ZNF638: variants seen among roughly 807,000 people sequenced by gnomAD.
ZNF638 encodes the protein zinc finger protein 638, also known as CTCL tumor antigen se33-1.
In ZNF638, 46 loss-of-function variants were observed where a neutral mutation model predicts 195.6. The ratio of observed to expected loss-of-function variants is 0.24; its 90% CI spans 0.19 to 0.30. The LOEUF (loss-of-function observed/expected upper bound fraction) is 0.30, where lower values mean the gene tolerates loss of function less well. Ranked by LOEUF, ZNF638 falls within the 10% of genes least tolerant of loss-of-function variation. The pLI is 1.00. For missense variants in ZNF638, 2,440 were observed against 2,325.3 expected, an observed-to-expected ratio of 1.05 and a Z score of -1.01; for synonymous variants, 845 against 772.0, an observed-to-expected ratio of 1.09 and a Z score of -1.57.
At chr2:71,387,662 C>CAAA (rs1202384861) in intron 10 of ZNF638, among the ~76,000 whole-genome samples, 68 of 45,392 alleles carry the variant, frequency 1.5e-3, no homozygotes, top group Middle Eastern at 0.01. Flanking sequence ...AAGACTCTCT[C>CAAA]AAAAAAAAAA....
chr2:71,375,519 A>G (rs2079404634), intron 8 of ZNF638: 1 of 152,180 alleles, frequency 6.6e-6, no homozygotes, highest in South Asian at 2.1e-4. Flanking sequence ...CTTTTCTGGA[A>G]AGAGTGAGTT....
intron 11 of ZNF638, 99 bp from the exon 12 acceptor site, chr2:71,398,602 A>G: frequency 1.1e-6 from 1 of 933,102 alleles, no homozygotes; most frequent in Non-Finnish European, 1.7e-6. Context: ...TGAATAAAAC[A>G]CAGCCTATTA....
chr2:71,351,522 CTG>C (rs1391918510), intron 2 of ZNF638, among the ~76,000 whole-genome samples: 10 of 152,102 alleles, frequency 6.6e-5, no homozygotes, highest in African/African-American at 2.4e-4. Context: ...GAGTGTTTGT[CTG>C]TATTCTTGTG....
chr2:71,405,523 G>A lies in ZNF638; in HGVS notation c.2959-78G>A, dbSNP rs896584742. 6 of 882,040 alleles carry A rather than the reference G, an allele frequency of 6.8e-6. No individual in the cohort carries two copies. In the African/African-American group the frequency reaches 8.7e-5, roughly 13 times the overall value. 54.6% of individuals were successfully genotyped at this position (882,040 alleles called of 1,614,324 possible). ...AATGCATATTTGTATAGATTGTCAT[G>A]TTATAAATCTTAACTAAGTAAGTAT... On this transcript the variant is annotated intron_variant, in intron 17 of 27. Coordinates refer to ENST00000264447, the MANE Select transcript of ZNF638 (RefSeq NM_014497.5).
chr2:71,373,060 C>T (rs1187170593), intron 8 of ZNF638, among the ~76,000 whole-genome samples: 2 of 152,094 alleles, frequency 1.3e-5, no homozygotes, highest in Admixed American at 6.5e-5. Flanking sequence ...ATAGGATGCA[C>T]AGTAATGGAT....
At chr2:71,408,288 T>G in intron 20 of ZNF638, 41 bp downstream of exon 20, 1 of 1,596,888 alleles carries the variant, frequency 6.3e-7, no homozygotes, top group Non-Finnish European at 8.5e-7. Flanking sequence ...TTTTAGAAAA[T>G]ACAGAGAACA....
chr2:71,400,801 G>A (rs1172182521), intron 15 of ZNF638, among the ~76,000 whole-genome samples: 1 of 152,114 alleles, frequency 6.6e-6, no homozygotes, highest in Non-Finnish European at 1.5e-5. Context: ...TGGGTTTTGG[G>A]TAGACAGTAG....
At chr2:71,333,837 T>C (rs1262437591) in intron 1 of ZNF638, among the ~76,000 whole-genome samples, 1 of 152,230 alleles carries the variant, frequency 6.6e-6, no homozygotes, top group Non-Finnish European at 1.5e-5. Context: ...AGACAGTGTA[T>C]GGAAAGCTCG....
At chr2:71,366,091 C>G (rs1287770937) in intron 6 of ZNF638, among the ~76,000 whole-genome samples, 1 of 152,182 alleles carries the variant, frequency 6.6e-6, no homozygotes, top group African/African-American at 2.4e-5. Flanking sequence ...TGGCTTATGC[C>G]TGAATCCCAG....
chr2:71,368,546 TG>T lies in ZNF638; in HGVS notation c.2142+20del, dbSNP rs779883911. ...GAAAAGAGGTGAGTCATTTAGTCTGTGGCAAAAATTCATACAAAGTGATTGC... is the reference window on the plus strand; with the variant it reads ...GAAAAGAGGTGAGTCATTTAGTCTGTGCAAAAATTCATACAAAGTGATTGC... On this transcript the variant is annotated intron_variant, in intron 7 of 27. Coordinates refer to ENST00000264447, the MANE Select transcript of ZNF638 (RefSeq NM_014497.5). The T allele has an allele frequency of 6.2e-7, 1 of 1,607,942 alleles. No individual in the cohort carries two copies. Among genetic ancestry groups the T allele is most frequent in the Non-Finnish European group, 8.5e-7 (1 of 1,178,364 alleles).
Position 71,359,318 on chromosome 2 carries a change from T to C in ZNF638, c.1379+3538T>C, listed in dbSNP as rs373285484. Among the ~76,000 whole-genome samples the C allele has an allele frequency of 3.9e-5, 6 of 152,300 alleles. No homozygotes were observed. The East Asian group carries it at 1.2e-3, about 29-fold the overall frequency. ...TCTCAGTCTGAGGCAAAAGGCCCTA[T>C]AGCCCCAGGAGCCTGCTGATGCAAG... On this transcript the variant is annotated intron_variant, in intron 3 of 27. Coordinates refer to ENST00000264447, the MANE Select transcript of ZNF638 (RefSeq NM_014497.5).
In ZNF638 at chr2:71,349,189, G is replaced by A; in HGVS notation, c.235G>A (p.Asp79Asn). The A allele has an allele frequency of 6.2e-7, 1 of 1,614,214 alleles. No individual in the cohort carries two copies. The highest frequency in any genetic ancestry group is 8.5e-7 in the Non-Finnish European group (1 of 1,180,040). ...MNVQVTQHRTDPRLTKEKLDF... is the reference protein window; with the variant it reads ...MNVQVTQHRTNPRLTKEKLDF... ...TGTTCAGGTAACTCAACACAGAACTGATCCAAGATTGACCAAAGAAAAACT... is the reference window on the plus strand; with the variant it reads ...TGTTCAGGTAACTCAACACAGAACTAATCCAAGATTGACCAAAGAAAAACT... The change falls in exon 2 of 28, where the codon GAT becomes AAT. Residue 79 changes from aspartate (D) to asparagine (N), a missense_variant. Around this residue, in one of 5 missense-constraint regions of ZNF638, gnomAD observed 191 missense variants for 173.8 expected, o/e 1.10. Transcript: ENST00000264447.
intron 1 of ZNF638, among the ~76,000 whole-genome samples, chr2:71,338,189 C>T (rs1207681369): frequency 6.6e-6 from 1 of 152,200 alleles, no homozygotes; most frequent in Non-Finnish European, 1.5e-5. Flanking sequence ...TGCAAATATC[C>T]TGCTCATTAG....
intron 10 of ZNF638, among the ~76,000 whole-genome samples, chr2:71,387,525 G>A (rs1456147558): frequency 6.6e-6 from 1 of 152,010 alleles, no homozygotes; most frequent in African/African-American, 2.4e-5. Flanking sequence ...ACAAAAATTA[G>A]CTGGGTGTGG....
chr2:71,342,483 A>G (rs1380271883), intron 1 of ZNF638, among the ~76,000 whole-genome samples: 4 of 152,154 alleles, frequency 2.6e-5, no homozygotes, highest in African/African-American at 7.2e-5. Context: ...CTCATTAAGC[A>G]CTTGAGCCTG....
At chr2:71,396,240 T>G in intron 11 of ZNF638, 49 bp downstream of exon 11, 1 of 1,502,592 alleles carries the variant, frequency 6.7e-7, no homozygotes, top group Non-Finnish European at 9.2e-7. Flanking sequence ...AACTTTAATG[T>G]ATTTTAAAAT....
chr2:71,332,212 A>G (rs921064916), intron 1 of ZNF638, among the ~76,000 whole-genome samples: 1 of 152,204 alleles, frequency 6.6e-6, no homozygotes, highest in Non-Finnish European at 1.5e-5. Flanking sequence ...GGCGAGGCCG[A>G]GGCGGCCCCT....
Position 71,382,061 on chromosome 2 carries a change from T to G in ZNF638, c.2377+1496T>G, listed in dbSNP as rs567257316. On this transcript the variant is annotated intron_variant, in intron 10 of 27. Coordinates refer to ENST00000264447, the MANE Select transcript of ZNF638 (RefSeq NM_014497.5). ...AATTTGCATTTTATTATATGGAATTTTTCAGTAAGTGAGTTTAAAAAATTT... is the reference window on the plus strand; with the variant it reads ...AATTTGCATTTTATTATATGGAATTGTTCAGTAAGTGAGTTTAAAAAATTT... Among the ~76,000 whole-genome samples the G allele has an allele frequency of 3.3e-5, 5 of 152,250 alleles. No homozygotes were observed. In the South Asian group the frequency reaches 1.0e-3, roughly 32 times the overall value.
At chr2:71,401,869 A>G (rs2080013557) in intron 15 of ZNF638, 87 bp from the exon 16 acceptor site, 1 of 1,164,798 alleles carries the variant, frequency 8.6e-7, no homozygotes, top group Non-Finnish European at 1.2e-6. Flanking sequence ...GCAACAATAT[A>G]CTAATATAAC....
Sources: allele counts gnomAD v4.1 joint callset (sites outside exome capture counted in the v4.1 genomes callset), GRCh38; gene constraint gnomAD v4.1.1; regional missense constraint gnomAD v4.1.1; transcripts MANE v1.5; gene names NCBI Gene and HGNC (gene_info 2026-07-23, HGNC 2026-07-21).